The following IL23R variants were observed in gnomAD, a reference collection of about 807,000 sequenced individuals.
IL23R encodes the protein interleukin-23 receptor.
IL23R carries 34 observed loss-of-function variants against 56.9 expected under a neutral mutation model. That is an observed-to-expected ratio of 0.60 (90% CI 0.45 to 0.80). The LOEUF (loss-of-function observed/expected upper bound fraction) is 0.80, where lower values mean the gene tolerates loss of function less well. IL23R is among the 30% of genes least tolerant of loss of function. IL23R has a pLI of 0.00. For synonymous variants in IL23R, 230 were observed against 249.2 expected (o/e 0.92, Z 0.73); for missense variants, 635 against 730.0 (o/e 0.87, Z 1.50).
chr1:67,265,099 C>T, the IL23R span, among the ~76,000 whole-genome samples: 24 of 152,254 alleles, frequency 1.6e-4, no homozygotes, highest in African/African-American at 5.8e-4. Flanking sequence ...CATAAATAGC[C>T]AAACACTGGA....
chr1:67,144,504 A>G (rs1356117964), intron 1 of IL23R, among the ~76,000 whole-genome samples: 1 of 152,234 alleles, frequency 6.6e-6, no homozygotes, highest in African/African-American at 2.4e-5. Flanking sequence ...TTCTTAAGCT[A>G]CTTAAAATGA....
At chr1:67,179,577 A>G (rs1647060826) in intron 3 of IL23R, among the ~76,000 whole-genome samples, 2 of 151,594 alleles carry the variant, frequency 1.3e-5, no homozygotes, top group African/African-American at 4.8e-5. Context: ...CAGCTCCTGG[A>G]TTCATTGATT....
At position 67,200,859 on chromosome 1, in the gene IL23R, A is replaced by T. The variant is rs376725743; in HGVS notation, c.614A>T (p.Glu205Val). ...CAAGCAGCAAACGCACTAGGCATGG[A>T]AGAGTCAAAACAACTGCAAATTCAC... ...WVQAANALGM[E>V]ESKQLQIHLD... Residue 205 changes from glutamate (E) to valine (V), a missense_variant, in exon 5 of 11, where the codon GAA (glutamate) becomes GTA (valine). Glu to Val is a moderately radical substitution (Grantham distance 121). Transcript: ENST00000347310. 2.3e-5 allele frequency: 37 copies of T among 1,614,086 alleles called. No individual in the cohort carries two copies. Among genetic ancestry groups the T allele is most frequent in the Non-Finnish European group, 2.9e-5 (34 of 1,180,046 alleles).
At chr1:67,174,164 C>T (rs1382917183) in intron 3 of IL23R, among the ~76,000 whole-genome samples, 2 of 152,010 alleles carry the variant, frequency 1.3e-5, no homozygotes, top group African/African-American at 4.8e-5. Flanking sequence ...AATAAGGATG[C>T]ATTCTTAGAT....
chr1:67,236,716 C>G lies in IL23R; in HGVS notation c.959C>G (p.Pro320Arg). ...CACTCTTTCCTTTTGGTTTAAGTTC[C>G]CCAGGTCACATCAAAAGCATTCCAA... is the stretch of plus-strand genomic sequence containing the variant. ...LFFHKTPETV[P>R]QVTSKAFQHD... The change falls in exon 8 of 11, where the codon CCC (proline) becomes CGC (arginine). Residue 320 changes from proline to arginine, a missense_variant. Transcript: ENST00000347310. The G allele has an allele frequency of 6.2e-7, 1 of 1,611,322 alleles. No individual in the cohort carries two copies. Among genetic ancestry groups the G allele is most frequent in the Non-Finnish European group, 8.5e-7 (1 of 1,177,488 alleles).
intron 7 of IL23R, among the ~76,000 whole-genome samples, chr1:67,222,314 A>C (rs1650332900): frequency 6.6e-6 from 1 of 151,356 alleles, no homozygotes; most frequent in Non-Finnish European, 1.5e-5. Flanking sequence ...GCGGGGTTTC[A>C]CCATGGTGGG....
Position 67,182,884 on chromosome 1 carries a change from C to G in IL23R, c.416C>G (p.Ser139Ter). 6.2e-7 allele frequency: 1 copy of G among 1,614,024 alleles called. No individual in the cohort carries two copies. The highest frequency in any genetic ancestry group is 2.2e-5 in the East Asian group (1 of 44,872). The part of the protein sequence containing the change: ...DEVTCVIYEY[S>*]GNMTCTWNAG... ...GTAACCTGTGTCATTTATGAATATT[C>G]AGGCAACATGACTTGCACCTGGAAT... is the stretch of plus-strand genomic sequence containing the variant. Residue 139 changes from serine (S) to a stop codon, truncating the protein, a stop_gained, in exon 4 of 11, where the codon TCA (serine) becomes TGA (stop). Coordinates refer to ENST00000347310, the MANE Select transcript of IL23R (RefSeq NM_144701.3). LOFTEE classifies it high-confidence loss of function.
At chr1:67,202,480 C>T (rs1648708987) in intron 5 of IL23R, among the ~76,000 whole-genome samples, 1 of 152,204 alleles carries the variant, frequency 6.6e-6, no homozygotes, top group South Asian at 2.1e-4. Context: ...TCAGGCAATC[C>T]TCCCACCTCA....
At chr1:67,265,078 A>T in the IL23R span, among the ~76,000 whole-genome samples, 2 of 152,238 alleles carry the variant, frequency 1.3e-5, no homozygotes, top group Non-Finnish European at 2.9e-5. Context: ...GTCAGAGCAC[A>T]GGAAGGAAAT....
At chr1:67,252,265 A>C (rs1177150958) in intron 9 of IL23R, among the ~76,000 whole-genome samples, 1 of 152,012 alleles carries the variant, frequency 6.6e-6, no homozygotes, top group South Asian at 2.1e-4. Flanking sequence ...GAAAAATGAA[A>C]CAAAGGTGTA....
chr1:67,228,646 G>A (rs938594707), intron 7 of IL23R, among the ~76,000 whole-genome samples: 1 of 152,086 alleles, frequency 6.6e-6, no homozygotes, highest in African/African-American at 2.4e-5. Flanking sequence ...CACAACCACT[G>A]GGCTGAAATC....
intron 6 of IL23R, among the ~76,000 whole-genome samples, chr1:67,213,104 C>T (rs1198425093): frequency 1.3e-5 from 2 of 152,080 alleles, no homozygotes; most frequent in Non-Finnish European, 2.9e-5. Context: ...AAGTGATCTG[C>T]CCATCTCGGC....
downstream of IL23R, among the ~76,000 whole-genome samples, chr1:67,263,248 C>A (rs1351240917): frequency 6.6e-6 from 1 of 151,270 alleles, no homozygotes; most frequent in African/African-American, 2.4e-5. Flanking sequence ...CCATACCCAG[C>A]TATATTTTAA....
At chr1:67,151,100 A>G (rs1178559620) in intron 1 of IL23R, among the ~76,000 whole-genome samples, 1 of 152,176 alleles carries the variant, frequency 6.6e-6, no homozygotes. Flanking sequence ...ATTTCTCCGC[A>G]GCCTCACCAG....
At chr1:67,227,508 A>G (rs1650698559) in intron 7 of IL23R, among the ~76,000 whole-genome samples, 1 of 151,956 alleles carries the variant, frequency 6.6e-6, no homozygotes, top group Non-Finnish European at 1.5e-5. Flanking sequence ...TTCCTCTCAC[A>G]AAACAGTATT....
chr1:67,174,913 C>T (rs1027980832), intron 3 of IL23R, among the ~76,000 whole-genome samples: 5 of 152,178 alleles, frequency 3.3e-5, no homozygotes, highest in Non-Finnish European at 5.9e-5. Context: ...CAGCAACTTA[C>T]AGCTCACATG....
At chr1:67,147,178 A>G (rs948501201) in intron 1 of IL23R, among the ~76,000 whole-genome samples, 34 of 152,218 alleles carry the variant, frequency 2.2e-4, no homozygotes, top group African/African-American at 8.2e-4. Flanking sequence ...TGAGAGGTGG[A>G]TGTTGCAAGC....
At chr1:67,240,144 G>T in intron 8 of IL23R, 35 bp from the exon 9 acceptor site, 1 of 1,367,700 alleles carries the variant, frequency 7.3e-7, no homozygotes, top group Non-Finnish European at 1.0e-6. Flanking sequence ...GAAGACTAAT[G>T]CTTGGTTAAA....
At chr1:67,153,709 A>G (rs887356086) in intron 1 of IL23R, among the ~76,000 whole-genome samples, 1 of 152,036 alleles carries the variant, frequency 6.6e-6, no homozygotes, top group Non-Finnish European at 1.5e-5. Context: ...TATTTACCGA[A>G]GAGTCATTCA....
Sources: allele counts gnomAD v4.1 joint callset (sites outside exome capture counted in the v4.1 genomes callset), GRCh38; gene constraint gnomAD v4.1.1; transcripts MANE v1.5; gene names NCBI Gene and HGNC (gene_info 2026-07-23, HGNC 2026-07-21).